The following TECR variants were observed in gnomAD, a reference collection of about 807,000 sequenced individuals.
TECR encodes trans-2,3-enoyl-CoA reductase.
Under a neutral mutation model 50.6 loss-of-function variants are expected in TECR, and 19 were observed. The ratio of observed to expected loss-of-function variants is 0.38; its 90% CI spans 0.26 to 0.55. The LOEUF (loss-of-function observed/expected upper bound fraction) is 0.55. Ranked by LOEUF, TECR falls within the 20% of genes least tolerant of loss-of-function variation. The pLI is 0.79. For synonymous variants in TECR, 168 were observed against 163.5 expected (o/e 1.03, Z -0.21); for missense variants, 313 against 408.3 (o/e 0.77, Z 2.01).
At chr19:14,532,142 A>G (rs1207502121) in intron 1 of TECR, 1 of 152,096 alleles carries the variant, frequency 6.6e-6, no homozygotes, top group Non-Finnish European at 1.5e-5. Context: ...GCCTCTGAGC[A>G]CCCTGGGGGT....
intron 1 of TECR, among the ~76,000 whole-genome samples, chr19:14,559,375 TTCTG>T (rs989391297): frequency 2.0e-5 from 3 of 152,136 alleles, no homozygotes; most frequent in Non-Finnish European, 4.4e-5. Context: ...CAATTTGCTT[TTCTG>T]TCTGTCTGCT....
In TECR at chr19:14,548,641, G is replaced by A. The variant is rs905831222; in HGVS notation, c.16-13884G>A. Among the ~76,000 whole-genome samples the A allele has an allele frequency of 3.3e-5, 5 of 151,960 alleles. No homozygotes were observed. In the East Asian group the frequency reaches 7.7e-4, roughly 23 times the overall value. The stretch of plus-strand genomic sequence containing the variant: ...CGCCCAGGCTGGAGTGCGGTGGTGC[G>A]ATCTCGACTCACTGCAACCTCCGCT... On this transcript the variant is annotated intron_variant, in intron 1 of 12. Coordinates refer to ENST00000215567, the MANE Select transcript of TECR (RefSeq NM_138501.6).
At chr19:14,542,688 A>G (rs1441049185) in intron 1 of TECR, among the ~76,000 whole-genome samples, 3 of 152,160 alleles carry the variant, frequency 2.0e-5, no homozygotes, top group African/African-American at 7.2e-5. Flanking sequence ...ATAAAAATGC[A>G]CAGAGCATTT....
chr19:14,550,349 C>G lies in TECR; in HGVS notation c.16-12176C>G, dbSNP rs150601058. On this transcript the variant is annotated intron_variant, in intron 1 of 12. Coordinates refer to ENST00000215567, the MANE Select transcript of TECR (RefSeq NM_138501.6). ...TGCCACGTAGATCCCAGTCTAGGCT[C>G]TTTGGCAAGCTGAGCTCATGGGGGT... Among the ~76,000 whole-genome samples the G allele has an allele frequency of 1.2e-3, 178 of 152,288 alleles. 4 individuals carry two copies. Among genetic ancestry groups the G allele is most frequent in the South Asian group, 0.01 (50 of 4,764 alleles).
chr19:14,534,908 C>T (rs570805833), intron 1 of TECR, among the ~76,000 whole-genome samples: 3 of 152,178 alleles, frequency 2.0e-5, no homozygotes, highest in Non-Finnish European at 4.4e-5. Context: ...CTGATGGCTT[C>T]TCTGCTGATG....
chr19:14,552,330 G>T (rs2073557114), intron 1 of TECR, among the ~76,000 whole-genome samples: 1 of 151,556 alleles, frequency 6.6e-6, no homozygotes, highest in Non-Finnish European at 1.5e-5. Flanking sequence ...CACCGTGCCC[G>T]GCCTGCCTTT....
chr19:14,547,125 A>G lies in TECR; in HGVS notation c.16-15400A>G, dbSNP rs185542008. Among the ~76,000 whole-genome samples, 111 of 152,328 alleles carry G rather than the reference A, an allele frequency of 7.3e-4. 1 individual carries two copies. The highest frequency in any genetic ancestry group is 2.5e-3 in the African/African-American group (105 of 41,554). On this transcript the variant is annotated intron_variant, in intron 1 of 12. Transcript: ENST00000215567. Reference sequence around the variant, plus strand: ...CAACGTCAAAGCAAAAAGAGAGCCAATGTTAAAGAGCTTATTCATAGCCTC... The same window carrying G: ...CAACGTCAAAGCAAAAAGAGAGCCAGTGTTAAAGAGCTTATTCATAGCCTC...
At chr19:14,532,687 C>T (rs4926125) in intron 1 of TECR, among the ~76,000 whole-genome samples, 33,754 of 151,972 alleles carry the variant, frequency 0.22, 3,991 homozygotes, top group South Asian at 0.41. Flanking sequence ...AGTTGTTTCC[C>T]GGCCCAGCGG....
At chr19:14,540,516 C>A (rs559004777) in intron 1 of TECR, among the ~76,000 whole-genome samples, 3 of 152,034 alleles carry the variant, frequency 2.0e-5, no homozygotes, top group Admixed American at 2.0e-4. Flanking sequence ...CTCAGCCTCC[C>A]GAGTAGCTGG....
chr19:14,533,511 C>G (rs1448200528), intron 1 of TECR, among the ~76,000 whole-genome samples: 4 of 152,166 alleles, frequency 2.6e-5, no homozygotes, highest in Non-Finnish European at 5.9e-5. Flanking sequence ...AGGTTGGCCC[C>G]TGGAGAGACC....
At chr19:14,562,690 A>T in intron 2 of TECR, 115 bp downstream of exon 2, 1 of 1,217,650 alleles carries the variant, frequency 8.2e-7, no homozygotes, top group Non-Finnish European at 1.2e-6. Context: ...TGCCCTATGG[A>T]GGGGTATGCC....
intron 1 of TECR, 191 bp from the exon 2 acceptor site, chr19:14,562,334 C>T (rs926600214): frequency 1.0e-5 from 7 of 673,722 alleles, no homozygotes; most frequent in Non-Finnish European, 1.9e-5. Flanking sequence ...GGCTGACGGC[C>T]GGCAGCTGGG....
chr19:14,529,587 G>C (rs372602559), upstream of TECR: 2,712 of 1,555,856 alleles, frequency 1.7e-3, 58 homozygotes, highest in South Asian at 0.028. Context: ...GGCGGACGCA[G>C]AGCCGCGTTT....
intron 1 of TECR, chr19:14,561,853 C>G (rs1343853475): frequency 6.3e-6 from 1 of 157,576 alleles, no homozygotes; most frequent in Non-Finnish European, 1.4e-5. Context: ...GATGATCTGT[C>G]TCGCGGATTC....
Position 14,565,630 on chromosome 19 carries a change from A to T in TECR, c.766A>T (p.Ile256Phe). ...CCCCTGCCCACAGGTGGGGTCCTGG[A>T]TCGGTTTCGCCATCATGACGCAGTG... ...PNYTYEVGSW[I>F]GFAIMTQCLP... Residue 256 changes from isoleucine (I) to phenylalanine (F), a missense_variant, in exon 12 of 13, where the codon ATC becomes TTC. Physicochemically the swap from Ile to Phe is conservative, Grantham distance 21. Coordinates refer to ENST00000215567, the MANE Select transcript of TECR (RefSeq NM_138501.6). 6.2e-7 allele frequency: 1 copy of T among 1,612,056 alleles called. No homozygotes were observed. The highest frequency in any genetic ancestry group is 8.5e-7 in the Non-Finnish European group (1 of 1,179,704).
chr19:14,563,903 G>A lies in TECR; in HGVS notation c.267G>A (p.Thr89=), dbSNP rs748403049. 6.8e-6 allele frequency: 11 copies of A among 1,613,900 alleles called. No homozygotes were observed. The highest frequency in any genetic ancestry group is 9.3e-6 in the Non-Finnish European group (11 of 1,179,950). ...TGGGGGCCCAGATCAGCTGGGTGACGGTGAGTCCTGACCCTACCCACGGCC... is the reference window on the plus strand; with the variant it reads ...TGGGGGCCCAGATCAGCTGGGTGACAGTGAGTCCTGACCCTACCCACGGCC... The part of the protein sequence containing the change: ...RDLGAQISWV[T]VFLTEYAGPL... Residue 89 remains threonine (T), a splice_region_variant and synonymous_variant, in exon 5 of 13, where the codon ACG becomes ACA. Coordinates refer to ENST00000215567, the MANE Select transcript of TECR (RefSeq NM_138501.6). This position sits in a 1 kb window ranked among gnomAD's most constrained non-coding sequence, Gnocchi z 5.3.
At chr19:14,544,635 CTTTT>C (rs545193107) in intron 1 of TECR, among the ~76,000 whole-genome samples, 13 of 134,184 alleles carry the variant, frequency 9.7e-5, no homozygotes, top group Non-Finnish European at 6.3e-5. Flanking sequence ...TTGGCCATTC[CTTTT>C]TTTTTTTTTT....
chr19:14,558,831 T>G (rs1053664141), intron 1 of TECR, among the ~76,000 whole-genome samples: 18 of 152,146 alleles, frequency 1.2e-4, no homozygotes, highest in African/African-American at 4.1e-4. Flanking sequence ...GCCTCACCGC[T>G]TCTCCTGGAG....
chr19:14,565,796 C>T lies in TECR; in HGVS notation c.852C>T (p.Gly284=), dbSNP rs1444707155. ...CCCAGATGACCATCTGGGCCAAGGGCAAGCACCGCAGCTACCTGAAGGAGT... is the reference window on the plus strand; with the variant it reads ...CCCAGATGACCATCTGGGCCAAGGGTAAGCACCGCAGCTACCTGAAGGAGT... The part of the protein sequence containing the change: ...GFTQMTIWAK[G]KHRSYLKEFR... Residue 284 remains glycine, a synonymous_variant, in exon 13 of 13, where the codon GGC becomes GGT. Transcript: ENST00000215567. 3 of 1,606,154 alleles carry T rather than the reference C, an allele frequency of 1.9e-6. No homozygotes were observed. Among genetic ancestry groups the T allele is most frequent in the Non-Finnish European group, 2.5e-6 (3 of 1,177,260 alleles).
Sources: gnomAD v4.1 joint callset for allele counts (sites outside exome capture counted in the v4.1 genomes callset) on GRCh38, gnomAD v4.1.1 for gene constraint, Gnocchi (gnomAD v3.1) non-coding constraint, MANE v1.5 for transcripts, NCBI Gene and HGNC (gene_info 2026-07-23, HGNC 2026-07-21) for gene names.